The following TAS1R1 variants were observed in gnomAD, a reference collection of about 807,000 sequenced individuals.
TAS1R1 encodes the protein taste 1 receptor member 1, also known as taste receptor type 1 member 1.
TAS1R1 carries 31 observed loss-of-function variants against 45.8 expected under a neutral mutation model. The observed-to-expected ratio is 0.68, with a 90% CI of 0.51 to 0.91. The LOEUF is 0.91. TAS1R1 is among the 40% of genes least tolerant of loss of function. The pLI is 0.00. For missense variants in TAS1R1, 1,051 were observed against 1,063.9 expected, an observed-to-expected ratio of 0.99 and a Z score of 0.17; for synonymous variants, 437 against 448.4, an observed-to-expected ratio of 0.97 and a Z score of 0.32.
chr1:6,569,672 G>C (rs986969700), intron 1 of TAS1R1, among the ~76,000 whole-genome samples: 4 of 152,070 alleles, frequency 2.6e-5, no homozygotes, highest in African/African-American at 7.2e-5. Context: ...GGTGGGAGAG[G>C]GCGTCCTGTG....
chr1:6,568,959 A>G (rs548525256), intron 1 of TAS1R1, among the ~76,000 whole-genome samples: 1 of 152,024 alleles, frequency 6.6e-6, no homozygotes, highest in Non-Finnish European at 1.5e-5. Context: ...GAGGTTGGAG[A>G]GGGAGAAAGG....
At chr1:6,570,878 C>T (rs762358905) in intron 1 of TAS1R1, 31 bp from the exon 2 acceptor site, 1 of 1,565,630 alleles carries the variant, frequency 6.4e-7, no homozygotes, top group South Asian at 1.2e-5. Flanking sequence ...CTTTGTCCTT[C>T]TCAGCTGTCT....
At chr1:6,555,966 G>T (rs1282457539) in intron 1 of TAS1R1, among the ~76,000 whole-genome samples, 1 of 135,664 alleles carries the variant, frequency 7.4e-6, no homozygotes, top group African/African-American at 2.6e-5. Context: ...CCGCCTTCCG[G>T]GTTCACGCCA....
chr1:6,568,182 G>T (rs1436518651), intron 1 of TAS1R1, among the ~76,000 whole-genome samples: 1 of 152,006 alleles, frequency 6.6e-6, no homozygotes, highest in Non-Finnish European at 1.5e-5. Flanking sequence ...GGGCGCGGTG[G>T]TTCACGCCTG....
chr1:6,557,145 G>A (rs967512041), intron 1 of TAS1R1, among the ~76,000 whole-genome samples: 3 of 151,588 alleles, frequency 2.0e-5, no homozygotes, highest in African/African-American at 7.3e-5. Context: ...GTTGGCTCAG[G>A]AAGAAGTTTC....
In TAS1R1 at chr1:6,579,405, T is replaced by A. The variant is rs996642205; in HGVS notation, c.2347T>A (p.Tyr783Asn). Reference sequence around the variant, plus strand: ...CGCCTTCTTCACCACGGCCAGCGTCTACGACGGCAAGTACCTGCCTGCGGC... The same window carrying A: ...CGCCTTCTTCACCACGGCCAGCGTCAACGACGGCAAGTACCTGCCTGCGGC... The part of the protein sequence containing the change: ...WIAFFTTASV[Y>N]DGKYLPAANM... Residue 783 changes from tyrosine (Y) to asparagine (N), a missense_variant, in exon 6 of 6, where the codon TAC becomes AAC. Transcript: ENST00000333172. 2 of 1,613,836 alleles carry A rather than the reference T, an allele frequency of 1.2e-6. No homozygotes were observed. Among genetic ancestry groups the A allele is most frequent in the African/African-American group, 1.3e-5 (1 of 74,934 alleles).
At position 6,555,430 on chromosome 1, in the gene TAS1R1, G is replaced by C; in HGVS notation, c.57G>C (p.Trp19Cys). 1 of 1,607,790 alleles carries C rather than the reference G, an allele frequency of 6.2e-7. No homozygotes were observed. Among genetic ancestry groups the C allele is most frequent in the South Asian group, 1.1e-5 (1 of 89,998 alleles). ...TGCAGCTTCTCATTTCCTGCTGCTG[G>C]GCCTTTGCCTGCCATAGCACGGAGT... ...VGLQLLISCCWAFACHSTESS... is the reference protein window; with the variant it reads ...VGLQLLISCCCAFACHSTESS... The change falls in exon 1 of 6, where the codon TGG becomes TGC. Residue 19 changes from tryptophan (W) to cysteine (C), a missense_variant. Transcript: ENST00000333172.
At chr1:6,558,047 TGTTTTTG>T (rs796195049) in intron 1 of TAS1R1, among the ~76,000 whole-genome samples, 2 of 139,526 alleles carry the variant, frequency 1.4e-5, no homozygotes, top group African/African-American at 5.2e-5. Context: ...TTTTTGTTTT[TGTTTTTG>T]TTTTTTTTCT....
chr1:6,578,622 T>C, intron 5 of TAS1R1, 31 bp from the exon 6 acceptor site: 2 of 1,527,258 alleles, frequency 1.3e-6, no homozygotes, highest in Non-Finnish European at 1.8e-6. Context: ...CTCATCTGGC[T>C]CTCAGGAACC....
Position 6,555,385 on chromosome 1 carries a change from C to T in TAS1R1, c.12C>T (p.Cys4=), listed in dbSNP as rs1193949359. ...GGCATCTGGCCAGCATGCTGCTCTG[C>T]ACGGCTCGCCTGGTCGGCCTGCAGC... MLL[C]TARLVGLQLL... is the part of the protein sequence containing the mutation. The change falls in exon 1 of 6, where the codon TGC becomes TGT. Residue 4 remains cysteine, a synonymous_variant. Transcript: ENST00000333172. The T allele has an allele frequency of 1.3e-6, 2 of 1,599,768 alleles. No individual in the cohort carries two copies. The highest frequency in any genetic ancestry group is 1.3e-5 in the African/African-American group (1 of 74,772).
In TAS1R1 at chr1:6,571,048, A is replaced by G. The variant is rs140729721; in HGVS notation, c.331A>G (p.Asn111Asp). ...QLYDVCSDSA[N>D]VYATLRVLSL... ...GTATGATGTGTGTTCTGACTCTGCC[A>G]ATGTGTATGCCACGCTGAGAGTGCT... The change falls in exon 2 of 6, where the codon AAT becomes GAT. Residue 111 changes from asparagine (N) to aspartate (D), a missense_variant. Transcript: ENST00000333172. The G allele has an allele frequency of 6.2e-6, 10 of 1,614,044 alleles. No individual in the cohort carries two copies. Among genetic ancestry groups the G allele is most frequent in the Non-Finnish European group, 8.5e-7 (1 of 1,180,024 alleles).
chr1:6,565,836 TG>T (rs1157538426), intron 1 of TAS1R1, among the ~76,000 whole-genome samples: 1 of 152,098 alleles, frequency 6.6e-6, no homozygotes, highest in Non-Finnish European at 1.5e-5. Flanking sequence ...AGGGCAAAGT[TG>T]GGGATCCATA....
Position 6,578,885 on chromosome 1 carries a change from G to A in TAS1R1, c.1827G>A (p.Leu609=), listed in dbSNP as rs1557812925. 6.2e-7 allele frequency: 1 copy of A among 1,609,636 alleles called. No homozygotes were observed. Among genetic ancestry groups the A allele is most frequent in the African/African-American group, 1.3e-5 (1 of 74,772 alleles). Residue 609 remains leucine (L), a synonymous_variant, in exon 6 of 6, where the codon CTG becomes CTA. Transcript: ENST00000333172. ...SAGGRLCFLM[L]GSLAAGSGSL... ...GGGGCCGCCTGTGCTTTCTTATGCT[G>A]GGCTCCCTGGCAGCAGGTAGTGGCA... is the stretch of plus-strand genomic sequence containing the variant.
chr1:6,557,513 T>G (rs1639706293), intron 1 of TAS1R1, among the ~76,000 whole-genome samples: 1 of 152,178 alleles, frequency 6.6e-6, no homozygotes, highest in South Asian at 2.1e-4. Flanking sequence ...ACTGCAGCCT[T>G]ACTTGGGCCT....
rs373549826 is a variant in TAS1R1 at position 6,578,727 on chromosome 1, G to A, written c.1669G>A (p.Val557Met). 35 of 1,613,342 alleles carry A rather than the reference G, an allele frequency of 2.2e-5. No homozygotes were observed. Among genetic ancestry groups the A allele is most frequent in the Non-Finnish European group, 2.3e-5 (27 of 1,179,600 alleles). The change falls in exon 6 of 6, where the codon GTG becomes ATG. Residue 557 changes from valine to methionine, a missense_variant. Physicochemically the swap from Val to Met is conservative, Grantham distance 21 (BLOSUM62 1). Coordinates refer to ENST00000333172, the MANE Select transcript of TAS1R1 (RefSeq NM_138697.4). ...AAGCCAGACCTGCTTCCCGCGCACTGTGGTGTTTTTGGCTTTGCGTGAGCA... is the reference window on the plus strand; with the variant it reads ...AAGCCAGACCTGCTTCCCGCGCACTATGGTGTTTTTGGCTTTGCGTGAGCA... ...EGSQTCFPRT[V>M]VFLALREHTS... is the part of the protein sequence containing the mutation.
intron 1 of TAS1R1, among the ~76,000 whole-genome samples, chr1:6,563,350 C>T (rs138765514): frequency 5.3e-5 from 8 of 152,264 alleles, no homozygotes; most frequent in African/African-American, 7.2e-5. Flanking sequence ...AGACCGGTGC[C>T]GGCGGCCACA....
chr1:6,564,045 G>A (rs1639832502), intron 1 of TAS1R1, among the ~76,000 whole-genome samples: 1 of 152,190 alleles, frequency 6.6e-6, no homozygotes, highest in Admixed American at 6.5e-5. Context: ...GGACGGGCAT[G>A]AGGCAGAGTT....
At chr1:6,576,915 G>C (rs775460886) in intron 4 of TAS1R1, 35 bp from the exon 5 acceptor site, 2 of 1,614,090 alleles carry the variant, frequency 1.2e-6, no homozygotes, top group Non-Finnish European at 8.5e-7. Context: ...CCTTTGACTT[G>C]GGCCCCTACG....
chr1:6,568,125 G>A (rs1485319871), intron 1 of TAS1R1, among the ~76,000 whole-genome samples: 1 of 151,952 alleles, frequency 6.6e-6, no homozygotes, highest in African/African-American at 2.4e-5. Context: ...CAGGTGTTGG[G>A]GGCAGATTGG....
Sources: allele counts gnomAD v4.1 joint callset (sites outside exome capture counted in the v4.1 genomes callset), GRCh38; gene constraint gnomAD v4.1.1; transcripts MANE v1.5; gene names NCBI Gene and HGNC (gene_info 2026-07-23, HGNC 2026-07-21).